The following CLINT1 variants were observed in gnomAD, a reference collection of about 807,000 sequenced individuals.
CLINT1 encodes the protein clathrin interactor 1.
Under a neutral mutation model 70.4 loss-of-function variants are expected in CLINT1, and 15 were observed. The ratio of observed to expected loss-of-function variants is 0.21; its 90% CI spans 0.14 to 0.33. The LOEUF is 0.33. Ranked by LOEUF, CLINT1 falls within the 10% of genes least tolerant of loss-of-function variation. The probability of loss-of-function intolerance (pLI) is 1.00; values close to 1 mark genes in which losing one functional copy is unlikely to be tolerated. For missense variants in CLINT1, 615 were observed against 778.1 expected, an observed-to-expected ratio of 0.79 and a Z score of 2.49; for synonymous variants, 227 against 254.7, an observed-to-expected ratio of 0.89 and a Z score of 1.04.
At chr5:157,839,727 CTATCTAT>C (rs1763561674) in intron 1 of CLINT1, among the ~76,000 whole-genome samples, 4 of 75,138 alleles carry the variant, frequency 5.3e-5, no homozygotes, top group Non-Finnish European at 1.1e-4. Context: ...AAAAATCTAT[CTATCTAT>C]CTATCTATCT....
Position 157,858,138 on chromosome 5 carries a change from G to A in CLINT1, c.41+792C>T, listed in dbSNP as rs575759698. Among the ~76,000 whole-genome samples, 13 of 152,264 alleles carry A rather than the reference G, an allele frequency of 8.5e-5. No individual in the cohort carries two copies. In the South Asian group the frequency reaches 2.7e-3, roughly 32 times the overall value. ...AAAGGAAATCAACTACGTACTGGTC[G>A]TTTTACCTGCTTTTAAAAGCAGATC... On this transcript the variant is annotated intron_variant, in intron 1 of 11. Transcript: ENST00000411809.
intron 1 of CLINT1, among the ~76,000 whole-genome samples, chr5:157,824,603 T>C (rs1010120204): frequency 4.6e-5 from 7 of 152,214 alleles, no homozygotes; most frequent in Non-Finnish European, 1.0e-4. Flanking sequence ...TTTGCTATAG[T>C]AAACATGTTA....
At chr5:157,846,523 T>G (rs1248895930) in intron 1 of CLINT1, among the ~76,000 whole-genome samples, 1 of 152,220 alleles carries the variant, frequency 6.6e-6, no homozygotes, top group Non-Finnish European at 1.5e-5. Context: ...AGAAGCCGCC[T>G]CCATAAGAGA....
chr5:157,811,782 G>A (rs1762568979), intron 5 of CLINT1, among the ~76,000 whole-genome samples: 1 of 152,120 alleles, frequency 6.6e-6, no homozygotes, highest in Admixed American at 6.5e-5. Flanking sequence ...ATACAAGCAA[G>A]AATAGTGTGG....
At chr5:157,788,882 G>A (rs1255352633) in intron 11 of CLINT1, among the ~76,000 whole-genome samples, 2 of 149,316 alleles carry the variant, frequency 1.3e-5, no homozygotes, top group Non-Finnish European at 3.0e-5. Flanking sequence ...GCAAGGAATT[G>A]CTTAAAACTG....
At chr5:157,846,390 C>A (rs1460374091) in intron 1 of CLINT1, among the ~76,000 whole-genome samples, 1 of 151,936 alleles carries the variant, frequency 6.6e-6, no homozygotes, top group Non-Finnish European at 1.5e-5. Flanking sequence ...CACAACATTC[C>A]CTTAAGCCAA....
At chr5:157,830,202 C>T (rs1419544721) in intron 1 of CLINT1, among the ~76,000 whole-genome samples, 1 of 152,158 alleles carries the variant, frequency 6.6e-6, no homozygotes. Context: ...CCCACCTCTG[C>T]CTTCCAAAGT....
rs533021924 is a variant in CLINT1 at position 157,792,831 on chromosome 5, C to T, written c.1088-836G>A. 7.9e-5 allele frequency among the ~76,000 whole-genome samples: 12 copies of T among 152,200 alleles called. No homozygotes were observed. The East Asian group carries it at 1.5e-3, about 20-fold the overall frequency. ...TTATATTGAAAGGAACAGATAAATA[C>T]GCATAAATGGAAGTTGAAAAAGCAA... On this transcript the variant is annotated intron_variant, in intron 9 of 11. Transcript: ENST00000411809.
chr5:157,801,870 T>C (rs1762232677), intron 8 of CLINT1, among the ~76,000 whole-genome samples: 1 of 152,002 alleles, frequency 6.6e-6, no homozygotes, highest in South Asian at 2.1e-4. Context: ...ATTTCCAGCA[T>C]AGACTTACAC....
chr5:157,787,025 GTT>G lies in CLINT1; in HGVS notation c.*619_*620del, dbSNP rs886595996. ...TGGCAATCACCAATTGCTTAAAGAG[GTT>G]TTGTTACAATAAAAATTTGGATAGT... On this transcript the variant is annotated 3_prime_UTR_variant, in exon 12 of 12. Transcript: ENST00000411809. 1 of 152,588 alleles carries G rather than the reference GTT, an allele frequency of 6.6e-6. No individual in the cohort carries two copies. Among genetic ancestry groups the G allele is most frequent in the Non-Finnish European group, 1.5e-5 (1 of 68,062 alleles). The allele number at this position is 152,588 out of a possible 1,614,324, so 9.5% of individuals were successfully genotyped here.
At chr5:157,790,449 GA>G in intron 10 of CLINT1, 1 of 325,666 alleles carries the variant, frequency 3.1e-6, no homozygotes, top group Non-Finnish European at 5.9e-6. Context: ...AACTGAAAAG[GA>G]CAGAAAAAAG....
intron 8 of CLINT1, among the ~76,000 whole-genome samples, chr5:157,796,308 T>A (rs1414934763): frequency 6.6e-6 from 1 of 152,230 alleles, no homozygotes; most frequent in East Asian, 1.9e-4. Context: ...TTGTAAATAC[T>A]ACATGGGTAA....
At chr5:157,847,221 T>C (rs1753413253) in intron 1 of CLINT1, among the ~76,000 whole-genome samples, 1 of 152,162 alleles carries the variant, frequency 6.6e-6, no homozygotes. Context: ...TTAAGAATAT[T>C]AGTGGCTGGG....
At chr5:157,852,430 T>C (rs1304820849) in intron 1 of CLINT1, among the ~76,000 whole-genome samples, 2 of 152,220 alleles carry the variant, frequency 1.3e-5, no homozygotes, top group East Asian at 3.8e-4. Flanking sequence ...AATGATTTCA[T>C]GGATGAAGAT....
rs1222150565 is a variant in CLINT1, at chr5:157,850,689, C to T, written c.41+8241G>A. ...ACAAATTAAGACATGTAGTTTCAAC[C>T]GTATAACCTAAGTCACTTTAAAAAG... is the stretch of plus-strand genomic sequence containing the variant. On this transcript the variant is annotated intron_variant, in intron 1 of 11. Transcript: ENST00000411809. Among the ~76,000 whole-genome samples, 5 of 149,516 alleles carry T rather than the reference C, an allele frequency of 3.3e-5. No individual in the cohort carries two copies. The East Asian group carries it at 5.8e-4, about 17-fold the overall frequency.
At chr5:157,808,258 G>A (rs1314679413) in intron 6 of CLINT1, among the ~76,000 whole-genome samples, 1 of 152,034 alleles carries the variant, frequency 6.6e-6, no homozygotes, top group Non-Finnish European at 1.5e-5. Context: ...AGGCATTCCA[G>A]GGATTTAAAA....
In CLINT1 at chr5:157,787,675, A is replaced by T; in HGVS notation, c.1849T>A (p.Phe617Ile). ...TTGCTAAAATTGGCGAAATTTGCAA[A>T]GGCATCTTGCTTGGGTTGCACAGTT... ...SGTVQPKQDA[F>I]ANFANFSK Residue 617 changes from phenylalanine to isoleucine, a missense_variant, in exon 12 of 12, where the codon TTT (phenylalanine) becomes ATT (isoleucine). By Grantham distance (21) the Phe-to-Ile change is conservative (BLOSUM62 0). Around this residue, in one of 2 missense-constraint regions of CLINT1, gnomAD observed 374 missense variants for 409.6 expected, o/e 0.91. Coordinates refer to ENST00000411809, the MANE Select transcript of CLINT1 (RefSeq NM_014666.4). 1 of 1,612,914 alleles carries T rather than the reference A, an allele frequency of 6.2e-7. No homozygotes were observed.
chr5:157,840,018 A>T (rs1753102058), intron 1 of CLINT1, among the ~76,000 whole-genome samples: 2 of 151,838 alleles, frequency 1.3e-5, no homozygotes, highest in South Asian at 4.1e-4. Context: ...GCAGTTCGAG[A>T]CCAGGCTGTT....
intron 8 of CLINT1, among the ~76,000 whole-genome samples, chr5:157,803,141 A>G (rs985091279): frequency 1.3e-5 from 2 of 152,252 alleles, no homozygotes; most frequent in Non-Finnish European, 2.9e-5. Context: ...TGCGCAGAGC[A>G]GTACCTTTTG....
Sources: gnomAD v4.1 joint callset for allele counts (sites outside exome capture counted in the v4.1 genomes callset) on GRCh38, gnomAD v4.1.1 for gene constraint, gnomAD v4.1.1 regional missense constraint, MANE v1.5 for transcripts, NCBI Gene and HGNC (gene_info 2026-07-23, HGNC 2026-07-21) for gene names.